Variants in SDHA observed in about 807,000 individuals in gnomAD.
The protein encoded by SDHA is succinate dehydrogenase [ubiquinone] flavoprotein subunit, mitochondrial.
In SDHA, 48 loss-of-function variants were observed where a neutral mutation model predicts 78.4. That is an observed-to-expected ratio of 0.61 (90% CI 0.49 to 0.78). The LOEUF is 0.78. SDHA is among the 30% of genes least tolerant of loss of function. The probability of loss-of-function intolerance (pLI) is 0.00; values close to 1 mark genes in which losing one functional copy is unlikely to be tolerated. For synonymous variants in SDHA, 326 were observed against 353.9 expected (o/e 0.92, Z 0.88); for missense variants, 680 against 892.7 (o/e 0.76, Z 3.04).
At chr5:221,376 G>A (rs150005714) in intron 1 of SDHA, among the ~76,000 whole-genome samples, 36 of 152,290 alleles carry the variant, frequency 2.4e-4, no homozygotes, top group Non-Finnish European at 3.5e-4. Context: ...CCCTGCTTCC[G>A]CTTCTTCCTG....
intron 1 of SDHA, among the ~76,000 whole-genome samples, chr5:218,956 C>T (rs967045144): frequency 2.0e-5 from 3 of 152,040 alleles, no homozygotes; most frequent in Non-Finnish European, 2.9e-5. Context: ...CGGTGGGCGT[C>T]CGGTGGGAAG....
chr5:235,576 T>A, intron 9 of SDHA: 1 of 572,104 alleles, frequency 1.7e-6, no homozygotes, highest in Non-Finnish European at 3.1e-6. Context: ...TTCCATTTTG[T>A]AATTACTTTC....
At chr5:266,363 T>G in the SDHA span, among the ~76,000 whole-genome samples, 1 of 152,114 alleles carries the variant, frequency 6.6e-6, no homozygotes, top group Non-Finnish European at 1.5e-5. Flanking sequence ...TGATTTAGTT[T>G]CCAAGAAATA....
chr5:266,844 TCGC>T, the SDHA span, among the ~76,000 whole-genome samples: 1 of 96,366 alleles, frequency 1.0e-5, no homozygotes, highest in Admixed American at 1.0e-4. Context: ...ATTCAGACCC[TCGC>T]CGTCCCGTGC....
rs763191656 is a variant in SDHA at position 225,546 on chromosome 5, C to A, written c.440C>A (p.Pro147His). ...DAIHYMTEQA[P>H]AAVVELENYG... Reference sequence around the variant, plus strand: ...ATCCACTACATGACGGAGCAGGCCCCCGCCGCCGTGGTCGAGGTGATGGGC... The same window carrying A: ...ATCCACTACATGACGGAGCAGGCCCACGCCGCCGTGGTCGAGGTGATGGGC... Residue 147 changes from proline (P) to histidine (H), a missense_variant, in exon 4 of 15, where the codon CCC (proline) becomes CAC (histidine). Pro to His is a moderately conservative substitution (Grantham distance 77). Transcript: ENST00000264932. 2 of 1,613,948 alleles carry A rather than the reference C, an allele frequency of 1.2e-6. No individual in the cohort carries two copies. Among genetic ancestry groups the A allele is most frequent in the Non-Finnish European group, 1.7e-6 (2 of 1,179,876 alleles).
At chr5:250,790 ACATTTATT>A in intron 11 of SDHA, 194 bp from the exon 12 acceptor site, 1 of 592,714 alleles carries the variant, frequency 1.7e-6, no homozygotes, top group South Asian at 2.0e-5. Flanking sequence ...TGTAATAGAA[ACATTTATT>A]TATTCAGAAG....
At chr5:247,267 A>T in intron 11 of SDHA, among the ~76,000 whole-genome samples, 1 of 152,210 alleles carries the variant, frequency 6.6e-6, no homozygotes, top group Non-Finnish European at 1.5e-5. Context: ...GAAAATGCTG[A>T]GTTACGATTT....
intron 5 of SDHA, among the ~76,000 whole-genome samples, chr5:226,504 T>A (rs946684693): frequency 2.6e-5 from 4 of 152,050 alleles, no homozygotes; most frequent in Admixed American, 2.6e-4. Context: ...TGGTGGTACA[T>A]GCTTGTAATC....
intron 10 of SDHA, 58 bp from the exon 11 acceptor site, chr5:240,300 C>A: frequency 9.5e-7 from 1 of 1,057,150 alleles, no homozygotes; most frequent in South Asian, 1.3e-5. Flanking sequence ...CATTCTAAAT[C>A]CATTTGGTTT....
At chr5:226,944 A>G (rs1298348399) in intron 5 of SDHA, among the ~76,000 whole-genome samples, 1 of 151,734 alleles carries the variant, frequency 6.6e-6, no homozygotes, top group African/African-American at 2.4e-5. Flanking sequence ...AAAAAAAAAA[A>G]AAAGAACAAG....
chr5:232,410 G>A (rs578207449), intron 7 of SDHA, among the ~76,000 whole-genome samples: 1 of 152,092 alleles, frequency 6.6e-6, no homozygotes, highest in African/African-American at 2.4e-5. Flanking sequence ...TGGTAGAGAC[G>A]GGATGTCACC....
At chr5:262,612 G>C in the SDHA span, among the ~76,000 whole-genome samples, 61 of 152,324 alleles carry the variant, frequency 4.0e-4, no homozygotes, top group African/African-American at 1.4e-3. Flanking sequence ...CTTGTCCGTG[G>C]AAAAAGTGTC....
intron 1 of SDHA, among the ~76,000 whole-genome samples, chr5:220,980 T>G (rs1373560371): frequency 6.6e-6 from 1 of 152,026 alleles, no homozygotes; most frequent in Non-Finnish European, 1.5e-5. Flanking sequence ...GCCCGGCTAA[T>G]TTTTTTGTGT....
intron 7 of SDHA, among the ~76,000 whole-genome samples, chr5:232,679 A>G (rs1025050743): frequency 2.1e-4 from 32 of 151,642 alleles, no homozygotes; most frequent in African/African-American, 6.8e-4. Flanking sequence ...ATCAAAAGAC[A>G]GACAAGAATC....
At chr5:243,938 A>G (rs922277707) in intron 11 of SDHA, among the ~76,000 whole-genome samples, 11 of 152,208 alleles carry the variant, frequency 7.2e-5, no homozygotes, top group Non-Finnish European at 1.5e-4. Flanking sequence ...ACTAAAAAAG[A>G]ATGTAGAAAA....
intron 11 of SDHA, among the ~76,000 whole-genome samples, chr5:247,313 A>G (rs1368097928): frequency 1.3e-5 from 2 of 152,238 alleles, no homozygotes; most frequent in Non-Finnish European, 2.9e-5. Context: ...TATTTATGCA[A>G]TTGCAAACAG....
the SDHA span, among the ~76,000 whole-genome samples, chr5:262,258 C>CATTACCGTGTGAGCTCCGCCTCCCGACAG: frequency 2.0e-5 from 1 of 48,836 alleles, no homozygotes; most frequent in African/African-American, 1.7e-4. Context: ...CCTCCCGTCA[C>CATTACCGTGTGAGCTCCGCCTCCCGACAG]AGCATTACCG....
At position 256,855 on chromosome 5, in the gene SDHA, G is replaced by C. The variant is rs1223264841; in HGVS notation, c.*435G>C. Among the ~76,000 whole-genome samples, 3 of 143,152 alleles carry C rather than the reference G, an allele frequency of 2.1e-5. No individual in the cohort carries two copies. Among genetic ancestry groups the C allele is most frequent in the African/African-American group, 7.9e-5 (3 of 38,096 alleles). The allele number at this position is 143,152 out of a possible 152,430, so 93.9% of individuals were successfully genotyped here. A position where few individuals can be genotyped will look rare whatever the true frequency, so the allele number is the denominator to read the frequency against. ...TTTTTTTTTTTGAGACAGGATCGGT[G>C]CAGTAGTACAATCACAGCTCACTGC... On this transcript the variant is annotated 3_prime_UTR_variant, in exon 15 of 15. Coordinates refer to ENST00000264932, the MANE Select transcript of SDHA (RefSeq NM_004168.4).
chr5:255,836 G>A (rs1416127475), intron 14 of SDHA, among the ~76,000 whole-genome samples: 2 of 152,184 alleles, frequency 1.3e-5, no homozygotes, highest in East Asian at 1.9e-4. Context: ...AAATTTCTTT[G>A]TATATGTGCC....
Sources: allele counts gnomAD v4.1 joint callset (sites outside exome capture counted in the v4.1 genomes callset), GRCh38; gene constraint gnomAD v4.1.1; transcripts MANE v1.5; gene names NCBI Gene and HGNC (gene_info 2026-07-23, HGNC 2026-07-21).